Variants in TCF12 observed in about 807,000 individuals in gnomAD.
TCF12 encodes DNA-binding protein HTF4.
A neutral mutation model predicts 86.0 loss-of-function variants in TCF12; 45 were observed. The observed-to-expected ratio is 0.52, with a 90% CI of 0.41 to 0.67. TCF12 has a LOEUF of 0.67. TCF12 is among the 30% of genes least tolerant of loss of function. TCF12 has a pLI of 0.00. For missense variants in TCF12, 881 were observed against 859.9 expected, an observed-to-expected ratio of 1.02 and a Z score of -0.31; for synonymous variants, 330 against 299.6, an observed-to-expected ratio of 1.10 and a Z score of -1.05.
At chr15:56,951,200 T>C (rs1281082310) in intron 3 of TCF12, among the ~76,000 whole-genome samples, 1 of 152,224 alleles carries the variant, frequency 6.6e-6, no homozygotes, top group African/African-American at 2.4e-5. Flanking sequence ...CTATATACTT[T>C]CTAATGGTTT....
chr15:57,234,026 C>T lies in TCF12; in HGVS notation c.971-17C>T, dbSNP rs747813993. ...TGCTTGTAAAATTCTTGATTTATTT[C>T]TCTATGAAATATCCAGGAACCAGAG... On this transcript the variant is annotated splice_polypyrimidine_tract_variant and intron_variant, in intron 11 of 20. Coordinates refer to ENST00000333725, the MANE Select transcript of TCF12 (RefSeq NM_207037.2). 1 of 1,609,234 alleles carries T rather than the reference C, an allele frequency of 6.2e-7. No individual in the cohort carries two copies. The highest frequency in any genetic ancestry group is 8.5e-7 in the Non-Finnish European group (1 of 1,175,970).
At position 57,136,958 on chromosome 15, in the gene TCF12, GTTTTTTTTTTTGTTTT is replaced by G. The variant is rs1357382536; in HGVS notation, c.326-29432_326-29417del. On this transcript the variant is annotated intron_variant, in intron 5 of 20. Transcript: ENST00000333725. ...TAGACAATAGCCACTGCTTCTGGCA[GTTTTTTTTTTTGTTTT>G]TTTTTTTTTTTTTTTTTTTTTTTGA... Among the ~76,000 whole-genome samples, 325 of 82,980 alleles carry G rather than the reference GTTTTTTTTTTTGTTTT, an allele frequency of 3.9e-3. 33 individuals are homozygous for G. Among genetic ancestry groups the G allele is most frequent in the Admixed American group, 8.0e-3 (49 of 6,162 alleles). 54.4% of individuals were successfully genotyped at this position (82,980 alleles called of 152,430 possible).
At chr15:57,046,976 C>A (rs1267700575) in intron 3 of TCF12, among the ~76,000 whole-genome samples, 8 of 152,150 alleles carry the variant, frequency 5.3e-5, no homozygotes, top group African/African-American at 2.4e-5. Context: ...AATTAAGAAG[C>A]CCTGTCTGGT....
Position 57,287,854 on chromosome 15 carries a change from T to G in TCF12, c.*1709T>G, listed in dbSNP as rs370287093. ...CTCCAGTTACATCGGACTCTATCTG[T>G]GGCCTTGTTCTTCATTTCAGTGTTA... On this transcript the variant is annotated 3_prime_UTR_variant, in exon 21 of 21. Transcript: ENST00000333725. The G allele has an allele frequency of 6.5e-6, 1 of 152,672 alleles. No homozygotes were observed. Among genetic ancestry groups the G allele is most frequent in the African/African-American group, 2.4e-5 (1 of 41,464 alleles). The allele number at this position is 152,672 out of a possible 1,614,324, so 9.5% of individuals were successfully genotyped here.
intron 18 of TCF12, among the ~76,000 whole-genome samples, chr15:57,266,086 ATTATTTATTTAT>A (rs60211131): frequency 0.11 from 12,127 of 110,052 alleles, 1,323 homozygotes; most frequent in African/African-American, 0.4. Context: ...TTTTGTTTTT[ATTATTTATTTAT>A]TTATTTATTT....
At chr15:57,023,481 T>C (rs1415101242) in intron 3 of TCF12, among the ~76,000 whole-genome samples, 1 of 152,180 alleles carries the variant, frequency 6.6e-6, no homozygotes, top group African/African-American at 2.4e-5. Flanking sequence ...AGTTATATTC[T>C]AGTTTACTTT....
rs1315368756 is a variant in TCF12 at position 57,289,207 on chromosome 15, A to C, written c.*3062A>C. The C allele has an allele frequency of 1.3e-5, 2 of 152,236 alleles. No individual in the cohort carries two copies. The highest frequency in any genetic ancestry group is 4.8e-5 in the African/African-American group (2 of 41,464). The allele number at this position is 152,236 out of a possible 1,614,324, so 9.4% of individuals were successfully genotyped here. ...CCACTGTTCACATTGGGTGCCTAACAGAACATTTTGCTTCTTGTGGGATTT... is the reference window on the plus strand; with the variant it reads ...CCACTGTTCACATTGGGTGCCTAACCGAACATTTTGCTTCTTGTGGGATTT... On this transcript the variant is annotated 3_prime_UTR_variant, in exon 21 of 21. Transcript: ENST00000333725.
chr15:56,923,607 A>G (rs2059886038), intron 3 of TCF12, among the ~76,000 whole-genome samples: 1 of 152,158 alleles, frequency 6.6e-6, no homozygotes, highest in Non-Finnish European at 1.5e-5. Context: ...AGGGCAGTGT[A>G]TAGAAGGAAA....
At chr15:57,242,090 A>G (rs1378847902) in intron 12 of TCF12, among the ~76,000 whole-genome samples, 1 of 152,090 alleles carries the variant, frequency 6.6e-6, no homozygotes, top group African/African-American at 2.4e-5. Flanking sequence ...TTGAAAGAAC[A>G]TTTTTATGCT....
intron 6 of TCF12, among the ~76,000 whole-genome samples, chr15:57,170,573 A>G: frequency 7.3e-6 from 1 of 137,266 alleles, no homozygotes. Context: ...GGGTCTTCAT[A>G]TACCTCCCTG....
intron 3 of TCF12, among the ~76,000 whole-genome samples, chr15:57,052,496 G>A (rs564402359): frequency 1.3e-5 from 2 of 152,026 alleles, no homozygotes; most frequent in South Asian, 2.1e-4. Flanking sequence ...AATTACCCGG[G>A]CCTGGTAGTG....
chr15:57,151,554 C>G (rs1479399164), intron 5 of TCF12, among the ~76,000 whole-genome samples: 1 of 152,018 alleles, frequency 6.6e-6, no homozygotes, highest in African/African-American at 2.4e-5. Context: ...ATCATGAGAT[C>G]AAGAGATCGA....
At chr15:57,148,485 G>A (rs2053523455) in intron 5 of TCF12, among the ~76,000 whole-genome samples, 1 of 151,936 alleles carries the variant, frequency 6.6e-6, no homozygotes. Context: ...ATACAGAGGG[G>A]CTAACAAGCC....
chr15:57,219,409 A>G (rs2058474123), intron 8 of TCF12: 1 of 1,390,438 alleles, frequency 7.2e-7, no homozygotes, highest in Non-Finnish European at 9.5e-7. Flanking sequence ...TTTTGAGTAG[A>G]TCCATGTGTG....
At chr15:56,938,937 C>G (rs1660235218) in intron 3 of TCF12, among the ~76,000 whole-genome samples, 1 of 152,160 alleles carries the variant, frequency 6.6e-6, no homozygotes, top group African/African-American at 2.4e-5. Flanking sequence ...TTAAAAGTGT[C>G]ACCTTAGCAT....
At chr15:56,940,211 T>C (rs2060669654) in intron 3 of TCF12, among the ~76,000 whole-genome samples, 1 of 152,004 alleles carries the variant, frequency 6.6e-6, no homozygotes, top group African/African-American at 2.4e-5. Flanking sequence ...AGTATTATAG[T>C]CAATGTGAGG....
chr15:57,255,665 G>A (rs917791320), intron 16 of TCF12, among the ~76,000 whole-genome samples: 2 of 152,074 alleles, frequency 1.3e-5, no homozygotes, highest in Admixed American at 6.5e-5. Context: ...TCTGTTTTTA[G>A]TAGAGATGGG....
intron 6 of TCF12, among the ~76,000 whole-genome samples, chr15:57,179,748 G>A (rs2056204930): frequency 6.6e-6 from 1 of 152,094 alleles, no homozygotes; most frequent in African/African-American, 2.4e-5. Flanking sequence ...CCTAGGAAAG[G>A]ATTAGAAGCA....
chr15:57,018,077 G>A (rs1333213788), intron 3 of TCF12, among the ~76,000 whole-genome samples: 1 of 152,190 alleles, frequency 6.6e-6, no homozygotes, highest in African/African-American at 2.4e-5. Flanking sequence ...ACACTAAAGT[G>A]TCGACCTAAA....
Sources: gnomAD v4.1 joint callset for allele counts (sites outside exome capture counted in the v4.1 genomes callset) on GRCh38, gnomAD v4.1.1 for gene constraint, MANE v1.5 for transcripts, NCBI Gene and HGNC (gene_info 2026-07-23, HGNC 2026-07-21) for gene names.